The following PBDC1 variants were observed in gnomAD, a reference collection of about 807,000 sequenced individuals.
PBDC1 encodes protein PBDC1.
A neutral mutation model predicts 12.0 loss-of-function variants in PBDC1; 3 were observed. The observed-to-expected ratio is 0.25, with a 90% CI of 0.11 to 0.64. The LOEUF is 0.64. Ranked by LOEUF, PBDC1 falls within the 30% of genes least tolerant of loss-of-function variation. The pLI is 0.84. For missense variants in PBDC1, 162 were observed against 168.1 expected, an observed-to-expected ratio of 0.96 and a Z score of 0.20; for synonymous variants, 64 against 56.4, an observed-to-expected ratio of 1.13 and a Z score of -0.60.
Position 76,177,968 on chromosome X carries a change from T to G in PBDC1, c.*60T>G. ...TCAATTGAGACTACAAGTACCACGG[T>G]GCTACTTGCACAGACCCCTTTGGTT... is the stretch of plus-strand genomic sequence containing the variant. On this transcript the variant is annotated 3_prime_UTR_variant, in exon 6 of 6. Coordinates refer to ENST00000373358, the MANE Select transcript of PBDC1 (RefSeq NM_016500.5). 1 of 1,196,922 alleles carries G rather than the reference T, an allele frequency of 8.4e-7. No homozygotes were observed. The highest frequency in any genetic ancestry group is 1.1e-6 in the Non-Finnish European group (1 of 889,886).
Position 76,177,852 on chromosome X carries a change from G to T in PBDC1, c.646G>T (p.Glu216Ter). ...AGAAGACAAAACTGACAAAGGAGGA[G>T]AAAAAGGGAAAGAAGCTGACAAAGA... ...NREDKTDKGG[E>*]KGKEADKEIN... is the part of the protein sequence containing the mutation. Residue 216 changes from glutamate to a stop codon, truncating the protein, a stop_gained, in exon 6 of 6, where the codon GAA becomes TAA. Coordinates refer to ENST00000373358, the MANE Select transcript of PBDC1 (RefSeq NM_016500.5). LOFTEE classifies it low-confidence loss of function (END_TRUNC). The T allele has an allele frequency of 8.3e-7, 1 of 1,209,742 alleles. No homozygotes were observed. Among genetic ancestry groups the T allele is most frequent in the East Asian group, 3.0e-5 (1 of 33,762 alleles).
At position 76,177,816 on chromosome X, in the gene PBDC1, G is replaced by A. The variant is rs1429434314; in HGVS notation, c.610G>A (p.Gly204Arg). Reference protein sequence around the residue: ...GADSGEEKEEGINREDKTDKG... With the variant: ...GADSGEEKEERINREDKTDKG... The stretch of plus-strand genomic sequence containing the variant: ...TGATAGTGGAGAAGAAAAAGAGGAA[G>A]GAATCAACAGAGAAGACAAAACTGA... Residue 204 changes from glycine to arginine, a missense_variant, in exon 6 of 6, where the codon GGA becomes AGA. Gly to Arg is a moderately radical substitution (Grantham distance 125). Coordinates refer to ENST00000373358, the MANE Select transcript of PBDC1 (RefSeq NM_016500.5). 5.0e-6 allele frequency: 6 copies of A among 1,202,275 alleles called. No homozygotes were observed. The highest frequency in any genetic ancestry group is 2.2e-5 in the Admixed American group (1 of 44,578).
At chrX:76,173,267 C>T (rs1924703396) in intron 1 of PBDC1, 99 bp downstream of exon 1, 1 of 799,978 alleles carries the variant, frequency 1.3e-6, no homozygotes, top group Non-Finnish European at 1.8e-6. Flanking sequence ...GTCGCCCAGG[C>T]TGGAGTGCAG....
At chrX:76,177,083 C>T in intron 5 of PBDC1, 91 bp downstream of exon 5, 3 of 520,365 alleles carry the variant, frequency 5.8e-6, no homozygotes, top group Non-Finnish European at 6.5e-6. Flanking sequence ...AGTTAGGTCA[C>T]CTTATCTTGT....
At chrX:76,174,294 A>G (rs1393798680) in intron 2 of PBDC1, among the ~76,000 whole-genome samples, 1 of 111,459 alleles carries the variant, frequency 9.0e-6, no homozygotes, top group Admixed American at 9.5e-5. Flanking sequence ...TGGAGGTAAC[A>G]AATGCAAATG....
intron 1 of PBDC1, among the ~76,000 whole-genome samples, 189 bp from the exon 2 acceptor site, chrX:76,173,387 CATTTTTTGT>C (rs1331506110): frequency 9.0e-6 from 1 of 110,688 alleles, no homozygotes; most frequent in Non-Finnish European, 1.9e-5. Context: ...CGCCCAGCTA[CATTTTTTGT>C]ATTTTTTGTA....
chrX:76,177,543 C>A (rs990221015), intron 5 of PBDC1, 73 bp from the exon 6 acceptor site: 12 of 997,325 alleles, frequency 1.2e-5, no homozygotes, highest in East Asian at 6.1e-5. Context: ...CAGAGTGAGA[C>A]CCTGTCTCAA....
At chrX:76,174,980 A>T in intron 3 of PBDC1, 31 bp downstream of exon 3, 5 of 1,038,636 alleles carry the variant, frequency 4.8e-6, no homozygotes, top group Non-Finnish European at 6.8e-6. Context: ...ATTAAGCAGA[A>T]TTAAACATGT....
At chrX:76,173,200 G>A in intron 1 of PBDC1, 32 bp downstream of exon 1, 1 of 1,136,722 alleles carries the variant, frequency 8.8e-7, no homozygotes, top group Non-Finnish European at 1.2e-6. Flanking sequence ...GGGTGAGTGG[G>A]GAGGTCGAGC....
Position 76,174,894 on chromosome X carries a change from A to T in PBDC1, c.101A>T (p.Asp34Val). The T allele has an allele frequency of 8.3e-7, 1 of 1,208,145 alleles. No homozygotes were observed. ...GCATTCTTCACTCCTTTGCAGCCTG[A>T]CATTGAGATGGCTTGGGCCATGAGA... ...LPAESYGNDP[D>V]IEMAWAMRAM... is the part of the protein sequence containing the mutation. Residue 34 changes from aspartate (D) to valine (V), a missense_variant, in exon 3 of 6, where the codon GAC becomes GTC. Physicochemically the swap from Asp to Val is radical, Grantham distance 152. Around this residue, in one of 3 missense-constraint regions of PBDC1, gnomAD observed 41 missense variants for 28.5 expected, o/e 1.44. Coordinates refer to ENST00000373358, the MANE Select transcript of PBDC1 (RefSeq NM_016500.5).
At position 76,176,880 on chromosome X, in the gene PBDC1, G is replaced by A; in HGVS notation, c.298-1G>A. 1 of 1,183,725 alleles carries A rather than the reference G, an allele frequency of 8.4e-7. No homozygotes were observed. Among genetic ancestry groups the A allele is most frequent in the Non-Finnish European group, 1.1e-6 (1 of 871,181 alleles). On this transcript the variant is annotated splice_acceptor_variant, in intron 4 of 5. Coordinates refer to ENST00000373358, the MANE Select transcript of PBDC1 (RefSeq NM_016500.5). LOFTEE classifies it high-confidence loss of function. ...CTAAAGCATCGTTTTTGCCTTTATA[G>A]AAGTGGAGGCCATTCTGCTTGAAGT... is the stretch of plus-strand genomic sequence containing the variant.
At position 76,178,234 on chromosome X, in the gene PBDC1, G is replaced by A. The variant is rs184886471; in HGVS notation, c.*326G>A. 19 of 299,880 alleles carry A rather than the reference G, an allele frequency of 6.3e-5. No homozygotes were observed. Among genetic ancestry groups the A allele is most frequent in the Non-Finnish European group, 9.9e-5 (17 of 172,241 alleles). 24.7% of individuals were successfully genotyped at this position (299,880 alleles called of 1,213,427 possible). A position where few individuals can be genotyped will look rare whatever the true frequency, so the allele number is the denominator to read the frequency against. ...TGTGACTGACTTTAAAAAGGTATTT[G>A]ACACTTGAAATTTTTTTCAAATATG... On this transcript the variant is annotated 3_prime_UTR_variant, in exon 6 of 6. Coordinates refer to ENST00000373358, the MANE Select transcript of PBDC1 (RefSeq NM_016500.5).
At position 76,175,476 on chromosome X, in the gene PBDC1, A is replaced by G; in HGVS notation, c.160A>G (p.Ile54Val). 2 of 1,207,611 alleles carry G rather than the reference A, an allele frequency of 1.7e-6. No homozygotes were observed. Among genetic ancestry groups the G allele is most frequent in the Non-Finnish European group, 2.2e-6 (2 of 892,333 alleles). ...ATGTTGTCTTACTGTTTCGCAGCTG[A>G]TTTCATCAGTTGACCCACAGTTCCT... ...MQHAEVYYKLISSVDPQFLKL... is the reference protein window; with the variant it reads ...MQHAEVYYKLVSSVDPQFLKL... Residue 54 changes from isoleucine (I) to valine (V), a missense_variant, in exon 4 of 6, where the codon ATT becomes GTT. Physicochemically the swap from Ile to Val is conservative, Grantham distance 29 (BLOSUM62 3). Around this residue, in one of 3 missense-constraint regions of PBDC1, gnomAD observed 21 missense variants for 43.4 expected, o/e 0.48. Transcript: ENST00000373358.
Position 76,175,625 on chromosome X carries a change from C to G in PBDC1, c.297+12C>G. The G allele has an allele frequency of 1.7e-6, 2 of 1,156,868 alleles. No homozygotes were observed. On this transcript the variant is annotated intron_variant, in intron 4 of 5. Coordinates refer to ENST00000373358, the MANE Select transcript of PBDC1 (RefSeq NM_016500.5). ...AATCAGCCAAAGAGGTAAAAATTCT[C>G]TTTCTTAAATATTACTTAGCATTTA... is the stretch of plus-strand genomic sequence containing the variant.
intron 3 of PBDC1, 90 bp from the exon 4 acceptor site, chrX:76,175,383 G>T: frequency 1.2e-6 from 1 of 868,693 alleles, no homozygotes; most frequent in Non-Finnish European, 1.7e-6. Context: ...TCTGCCCTGA[G>T]AACCATAAAG....
intron 3 of PBDC1, 96 bp from the exon 4 acceptor site, chrX:76,175,377 C>T: frequency 1.2e-6 from 1 of 814,647 alleles, no homozygotes; most frequent in South Asian, 2.2e-5. Context: ...AGATCTTCTG[C>T]CCTGAGAACC....
chrX:76,173,341 C>G (rs1252999558), intron 1 of PBDC1, among the ~76,000 whole-genome samples, 173 bp downstream of exon 1: 1 of 111,238 alleles, frequency 9.0e-6, no homozygotes, highest in Non-Finnish European at 1.9e-5. Context: ...CCACCTCATC[C>G]TCCCGAGGAG....
At chrX:76,175,295 G>A (rs1004320689) in intron 3 of PBDC1, among the ~76,000 whole-genome samples, 178 bp from the exon 4 acceptor site, 58 of 112,330 alleles carry the variant, frequency 5.2e-4, no homozygotes, top group African/African-American at 1.8e-3. Flanking sequence ...GGAAGGGATT[G>A]TAATAATATA....
In PBDC1 at chrX:76,175,511, C is replaced by CA; in HGVS notation, c.198dup (p.Val67SerfsTer3). ...TTGACCCACAGTTCCTGAAACTCAC[C>CA]AAAGTAGATGACCAAATTTACTCTG... is the stretch of plus-strand genomic sequence containing the variant. On this transcript the variant is annotated frameshift_variant, in exon 4 of 6. Transcript: ENST00000373358. LOFTEE classifies it high-confidence loss of function. The CA allele has an allele frequency of 8.3e-7, 1 of 1,206,770 alleles. No individual in the cohort carries two copies. Among genetic ancestry groups the CA allele is most frequent in the Non-Finnish European group, 1.1e-6 (1 of 891,297 alleles).
Sources: allele counts gnomAD v4.1 joint callset (sites outside exome capture counted in the v4.1 genomes callset), GRCh38; gene constraint gnomAD v4.1.1; regional missense constraint gnomAD v4.1.1; transcripts MANE v1.5; gene names NCBI Gene and HGNC (gene_info 2026-07-23, HGNC 2026-07-21).